Variants in PDZD9 observed in about 807,000 individuals in gnomAD.
PDZD9 encodes the protein PDZ domain containing 9.
Under a neutral mutation model 16.3 loss-of-function variants are expected in PDZD9, and 13 were observed. That is an observed-to-expected ratio of 0.80 (90% CI 0.52 to 1.27). The LOEUF (loss-of-function observed/expected upper bound fraction) is 1.27, where lower values mean the gene tolerates loss of function less well. Ranked by LOEUF, PDZD9 falls within the 50% of genes most tolerant of loss-of-function variation. The pLI is 0.00. For missense variants in PDZD9, 288 were observed against 310.9 expected, an observed-to-expected ratio of 0.93 and a Z score of 0.55; for synonymous variants, 120 against 111.0, an observed-to-expected ratio of 1.08 and a Z score of -0.51.
chr16:21,972,179 T>C, the PDZD9 span: 1 of 1,536,146 alleles, frequency 6.5e-7, no homozygotes, highest in South Asian at 1.2e-5. Flanking sequence ...GTATTTAAGA[T>C]ATAATTCTGA....
chr16:21,978,099 A>G, the PDZD9 span, among the ~76,000 whole-genome samples: 3 of 152,194 alleles, frequency 2.0e-5, no homozygotes, highest in Non-Finnish European at 2.9e-5. Flanking sequence ...ATAAGCAGAA[A>G]GTAGAATTTT....
At chr16:21,995,826 CTG>C (rs1899136034) in intron 2 of PDZD9, among the ~76,000 whole-genome samples, 1 of 152,148 alleles carries the variant, frequency 6.6e-6, no homozygotes, top group South Asian at 2.1e-4. Flanking sequence ...GACGGAGTCT[CTG>C]TCACTCAGGC....
intron 3 of PDZD9, among the ~76,000 whole-genome samples, chr16:21,986,419 C>T (rs1416386495): frequency 6.6e-6 from 1 of 152,114 alleles, no homozygotes; most frequent in Non-Finnish European, 1.5e-5. Context: ...CTCAAAACTC[C>T]TCCATGTAAT....
At chr16:21,997,254 A>G (rs930103954) in intron 1 of PDZD9, among the ~76,000 whole-genome samples, 1 of 152,228 alleles carries the variant, frequency 6.6e-6, no homozygotes, top group African/African-American at 2.4e-5. Context: ...GGCTCTGAGA[A>G]TGAGTAACAG....
At chr16:21,968,651 T>A in the PDZD9 span, 2 of 1,609,566 alleles carry the variant, frequency 1.2e-6, no homozygotes, top group Non-Finnish European at 1.7e-6. Flanking sequence ...TTCAGAACCA[T>A]TTCACAAGTG....
chr16:21,972,161 A>G, the PDZD9 span: 1 of 1,576,992 alleles, frequency 6.3e-7, no homozygotes, highest in Non-Finnish European at 8.6e-7. Context: ...TTTGCTTTCA[A>G]AGGCTCAGTA....
chr16:21,976,724 A>G, the PDZD9 span: 2 of 152,724 alleles, frequency 1.3e-5, no homozygotes, highest in South Asian at 4.1e-4. Context: ...TCAAACCATC[A>G]TAAGTTAAGT....
At chr16:21,994,949 G>A (rs1480321932) in intron 2 of PDZD9, among the ~76,000 whole-genome samples, 1 of 151,902 alleles carries the variant, frequency 6.6e-6, no homozygotes, top group African/African-American at 2.4e-5. Flanking sequence ...TCCCACCTCA[G>A]CCTCCTGAGT....
the PDZD9 span, chr16:21,973,889 C>T: frequency 6.8e-6 from 11 of 1,612,140 alleles, no homozygotes; most frequent in Non-Finnish European, 6.8e-6. Flanking sequence ...GTCTCATTAT[C>T]TTTCAGGTTT....
chr16:22,001,007 C>G lies in PDZD9; in HGVS notation c.31+10G>C. The G allele has an allele frequency of 1.3e-6, 2 of 1,533,564 alleles. No homozygotes were observed. The highest frequency in any genetic ancestry group is 8.7e-7 in the Non-Finnish European group (1 of 1,145,928). The allele number at this position is 1,533,564 out of a possible 1,614,324, so 95.0% of individuals were successfully genotyped here. ...AGGGCTTCTTCACCCGCTTCCTTCT[C>G]CCCAGTTACCTTTTTTGTTTTTGTG... On this transcript the variant is annotated intron_variant, in intron 1 of 3. Transcript: ENST00000424898.
At chr16:21,961,226 T>G in the PDZD9 span, 8 of 347,490 alleles carry the variant, frequency 2.3e-5, no homozygotes, top group East Asian at 6.9e-4. Context: ...TAGGAAAGAA[T>G]CAAGGAATAT....
At chr16:22,000,373 G>T (rs1285352313) in intron 1 of PDZD9, among the ~76,000 whole-genome samples, 1 of 147,512 alleles carries the variant, frequency 6.8e-6, no homozygotes, top group African/African-American at 2.5e-5. Context: ...AAAAAAAAAC[G>T]CTGTAAAAAA....
chr16:22,000,876 AATGATG>A, intron 1 of PDZD9, 135 bp downstream of exon 1: 1 of 545,336 alleles, frequency 1.8e-6, no homozygotes, highest in South Asian at 2.3e-5. Context: ...TGATGATGAT[AATGATG>A]ATGATGATAA....
chr16:21,974,021 C>G, the PDZD9 span: 1 of 1,477,238 alleles, frequency 6.8e-7, no homozygotes, highest in Admixed American at 2.2e-5. Context: ...CAAGTTATTT[C>G]TCCCCCCCGC....
At chr16:21,984,764 AT>A in intron 3 of PDZD9, 104 bp from the exon 4 acceptor site, 1 of 853,880 alleles carries the variant, frequency 1.2e-6, no homozygotes, top group African/African-American at 1.7e-5. Context: ...AAAAGATACA[AT>A]TTAGCTTTAG....
downstream of PDZD9, among the ~76,000 whole-genome samples, chr16:21,981,820 C>T (rs1330512584): frequency 6.6e-6 from 1 of 151,674 alleles, no homozygotes. Flanking sequence ...TTTCACTTCG[C>T]CCCAATCGTC....
downstream of PDZD9, among the ~76,000 whole-genome samples, chr16:21,979,977 T>C (rs1422738309): frequency 1.3e-5 from 2 of 152,234 alleles, no homozygotes; most frequent in Non-Finnish European, 2.9e-5. Flanking sequence ...AATGGGCTTA[T>C]GTTAGAAGAC....
At chr16:21,987,755 T>G (rs567275670) in intron 3 of PDZD9, among the ~76,000 whole-genome samples, 1 of 152,064 alleles carries the variant, frequency 6.6e-6, no homozygotes, top group African/African-American at 2.4e-5. Flanking sequence ...AAAGCCTAGA[T>G]TGAAGTGGGT....
the PDZD9 span, among the ~76,000 whole-genome samples, chr16:21,966,544 T>C: frequency 1.3e-5 from 2 of 152,194 alleles, no homozygotes; most frequent in East Asian, 3.8e-4. Flanking sequence ...ACTCAAAAAT[T>C]CAAGGTTTTT....
Sources: allele counts gnomAD v4.1 joint callset (sites outside exome capture counted in the v4.1 genomes callset), GRCh38; gene constraint gnomAD v4.1.1; transcripts MANE v1.5; gene names NCBI Gene and HGNC (gene_info 2026-07-23, HGNC 2026-07-21).